The following RGSL1 variants were observed in gnomAD, a reference collection of about 807,000 sequenced individuals.
RGSL1 encodes regulator of G protein signaling protein-like.
RGSL1 carries 97 observed loss-of-function variants against 124.7 expected under a neutral mutation model. The observed-to-expected ratio is 0.78, with a 90% CI of 0.66 to 0.92. RGSL1 has a LOEUF of 0.92. Among genes scored for constraint, RGSL1 ranks in the 40% least tolerant of loss-of-function variants. The pLI is 0.00. For missense variants in RGSL1, 1,233 were observed against 1,288.4 expected (o/e 0.96, Z 0.66); for synonymous variants, 424 against 438.1 (o/e 0.97, Z 0.40).
In RGSL1 at chr1:182,532,798, C is replaced by T. The variant is rs266534; in HGVS notation, c.2494+7C>T. The T allele has an allele frequency of 5.8e-6, 9 of 1,548,328 alleles. No homozygotes were observed. The East Asian group carries it at 1.7e-4, about 30-fold the overall frequency. ...ATGCAAAATAGCAAGGAAAGTAAGT[C>T]ATTTCTGTATTTACCCCCACTCCCT... On this transcript the variant is annotated splice_region_variant and intron_variant, in intron 14 of 21. Coordinates refer to ENST00000294854, the MANE Select transcript of RGSL1 (RefSeq NM_001137669.2).
At position 182,551,209 on chromosome 1, in the gene RGSL1, G is replaced by A; in HGVS notation, c.3043G>A (p.Gly1015Arg). The A allele has an allele frequency of 6.5e-7, 1 of 1,547,952 alleles. No homozygotes were observed. The highest frequency in any genetic ancestry group is 8.7e-7 in the Non-Finnish European group (1 of 1,144,070). The change falls in exon 18 of 22, where the codon GGA (glycine) becomes AGA (arginine). Residue 1015 changes from glycine (G) to arginine (R), a missense_variant and splice_region_variant. Coordinates refer to ENST00000294854, the MANE Select transcript of RGSL1 (RefSeq NM_001137669.2). ...GGACAAGTATCCTTTCTCGAGTGGAGGTAAGCTCCACCACGACTCACAGCC... is the reference window on the plus strand; with the variant it reads ...GGACAAGTATCCTTTCTCGAGTGGAAGTAAGCTCCACCACGACTCACAGCC... ...STDKYPFSSG[G>R]DNAILRFTLL... is the part of the protein sequence containing the mutation.
At chr1:182,532,468 T>C (rs1659243428) in intron 13 of RGSL1, among the ~76,000 whole-genome samples, 194 bp from the exon 14 acceptor site, 1 of 152,186 alleles carries the variant, frequency 6.6e-6, no homozygotes, top group Non-Finnish European at 1.5e-5. Context: ...ACTGACCAGC[T>C]ACTTAATTTC....
chr1:182,507,137 G>C (rs1034387039), intron 9 of RGSL1: 2 of 151,972 alleles, frequency 1.3e-5, no homozygotes, highest in Non-Finnish European at 2.9e-5. Context: ...TTACAAGCAT[G>C]TGCCACCATG....
chr1:182,494,247 A>T (rs899778878), intron 9 of RGSL1, among the ~76,000 whole-genome samples: 11 of 152,216 alleles, frequency 7.2e-5, no homozygotes, highest in Non-Finnish European at 1.5e-4. Flanking sequence ...AGGATCAATT[A>T]CCCTATCAGT....
chr1:182,477,179 C>T (rs1037867065), intron 6 of RGSL1, among the ~76,000 whole-genome samples: 2 of 152,140 alleles, frequency 1.3e-5, no homozygotes, highest in Non-Finnish European at 2.9e-5. Flanking sequence ...AGGAAAGCTG[C>T]TTTGAAAAAG....
intron 14 of RGSL1, among the ~76,000 whole-genome samples, chr1:182,536,127 C>A (rs897609527): frequency 6.6e-6 from 1 of 152,124 alleles, no homozygotes; most frequent in African/African-American, 2.4e-5. Context: ...TTGCATATAT[C>A]AGTAACTCAT....
At chr1:182,506,580 C>A (rs1285990962) in intron 9 of RGSL1, among the ~76,000 whole-genome samples, 2 of 151,928 alleles carry the variant, frequency 1.3e-5, no homozygotes, top group South Asian at 4.2e-4. Context: ...CTTTAATATC[C>A]CTTTGTTCTC....
At chr1:182,450,512 T>C in intron 1 of RGSL1, 1 of 361,602 alleles carries the variant, frequency 2.8e-6, no homozygotes, top group African/African-American at 2.0e-5. Context: ...AAGTCAATAT[T>C]ATTATGGCGT....
chr1:182,519,486 T>TC (rs1491106835), intron 9 of RGSL1, among the ~76,000 whole-genome samples: 1 of 37,002 alleles, frequency 2.7e-5, no homozygotes, highest in Non-Finnish European at 7.0e-5. Context: ...AGAAAATAGT[T>TC]CTTTTTTTCC....
intron 15 of RGSL1, among the ~76,000 whole-genome samples, chr1:182,541,491 G>C (rs180777532): frequency 2.2e-4 from 34 of 152,238 alleles, no homozygotes; most frequent in Non-Finnish European, 4.9e-4. Context: ...TGGGCACTTA[G>C]GTTGATTCCA....
chr1:182,535,912 T>G (rs1370781169), intron 14 of RGSL1, among the ~76,000 whole-genome samples: 1 of 152,198 alleles, frequency 6.6e-6, no homozygotes, highest in African/African-American at 2.4e-5. Flanking sequence ...AATTCCTTTA[T>G]GTGTCTTTTT....
intron 9 of RGSL1, among the ~76,000 whole-genome samples, chr1:182,505,905 C>G (rs1656774019): frequency 6.6e-6 from 1 of 152,050 alleles, no homozygotes; most frequent in Non-Finnish European, 1.5e-5. Context: ...TCTGCAAATT[C>G]CTTTGATACA....
chr1:182,457,226 C>A (rs1315173416), intron 2 of RGSL1, among the ~76,000 whole-genome samples: 1 of 152,134 alleles, frequency 6.6e-6, no homozygotes, highest in Non-Finnish European at 1.5e-5. Flanking sequence ...TAGGAGCTGA[C>A]CAGGTCTGCT....
chr1:182,464,013 T>C (rs1392302514), intron 4 of RGSL1, among the ~76,000 whole-genome samples: 1 of 152,152 alleles, frequency 6.6e-6, no homozygotes, highest in Admixed American at 6.5e-5. Flanking sequence ...GTATCTTCTC[T>C]GACCACAAAA....
At chr1:182,479,169 A>G (rs982938169) in intron 6 of RGSL1, among the ~76,000 whole-genome samples, 7 of 152,208 alleles carry the variant, frequency 4.6e-5, no homozygotes, top group African/African-American at 1.7e-4. Context: ...TCTCACTGCT[A>G]AAGGTAAATA....
At chr1:182,451,968 GGA>G (rs138266858) in intron 1 of RGSL1, among the ~76,000 whole-genome samples, 1 of 151,868 alleles carries the variant, frequency 6.6e-6, no homozygotes, top group Non-Finnish European at 1.5e-5. Flanking sequence ...GACATGGAGG[GGA>G]GAGAGAGAGA....
intron 9 of RGSL1, among the ~76,000 whole-genome samples, chr1:182,509,895 G>T (rs1204447092): frequency 1.4e-5 from 2 of 139,592 alleles, no homozygotes; most frequent in Non-Finnish European, 3.1e-5. Flanking sequence ...GGTGGCTGCC[G>T]GGCGGAGAGG....
chr1:182,490,349 G>C (rs1056464548), intron 8 of RGSL1, among the ~76,000 whole-genome samples: 9 of 152,202 alleles, frequency 5.9e-5, no homozygotes, highest in Admixed American at 4.6e-4. Context: ...TTCAGGATTA[G>C]AGGTAATGTA....
chr1:182,460,802 G>T, intron 4 of RGSL1: 1 of 444,034 alleles, frequency 2.3e-6, no homozygotes, highest in Non-Finnish European at 4.5e-6. Flanking sequence ...TGCAATGTTT[G>T]GGGGGAAACT....
Sources: gnomAD v4.1 joint callset for allele counts (sites outside exome capture counted in the v4.1 genomes callset) on GRCh38, gnomAD v4.1.1 for gene constraint, MANE v1.5 for transcripts, NCBI Gene and HGNC (gene_info 2026-07-23, HGNC 2026-07-21) for gene names.